The following INPP5A variants were observed in gnomAD, a reference collection of about 807,000 sequenced individuals.
The protein encoded by INPP5A is 43 kDa inositol polyphosphate 5-phophatase.
Under a neutral mutation model 65.2 loss-of-function variants are expected in INPP5A, and 14 were observed. That is an observed-to-expected ratio of 0.21 (90% CI 0.14 to 0.34). INPP5A has a LOEUF of 0.34. INPP5A is among the 10% of genes least tolerant of loss of function. The pLI is 1.00. For missense variants in INPP5A, 431 were observed against 545.6 expected, an observed-to-expected ratio of 0.79 and a Z score of 2.09; for synonymous variants, 207 against 208.3, an observed-to-expected ratio of 0.99 and a Z score of 0.05.
chr10:132,758,296 C>T (rs1380541604), intron 11 of INPP5A, among the ~76,000 whole-genome samples: 2 of 116,246 alleles, frequency 1.7e-5, no homozygotes, highest in South Asian at 3.1e-4. Flanking sequence ...CAGGCCAGTG[C>T]GATGTTGTGG....
At position 132,651,965 on chromosome 10, in the gene INPP5A, C is replaced by T. The variant is rs1474666190; in HGVS notation, c.306+1460C>T. ...GGGACCACGGGGCCCCCACTCACAC[C>T]AGAGCCAAGGCCCTCACCCCTGTGC... On this transcript the variant is annotated intron_variant, in intron 4 of 15. Coordinates refer to ENST00000368594, the MANE Select transcript of INPP5A (RefSeq NM_005539.5). The surrounding 1 kb of genome is among the most constrained non-coding windows in gnomAD (Gnocchi z 5.0). Among the ~76,000 whole-genome samples the T allele has an allele frequency of 6.6e-6, 1 of 152,158 alleles. No individual in the cohort carries two copies. The highest frequency in any genetic ancestry group is 1.5e-5 in the Non-Finnish European group (1 of 68,022).
At chr10:132,614,080 C>T (rs945034913) in intron 2 of INPP5A, among the ~76,000 whole-genome samples, 3 of 152,212 alleles carry the variant, frequency 2.0e-5, no homozygotes, top group Admixed American at 1.3e-4. Flanking sequence ...TGAGCACCCT[C>T]GACGCCTTTG....
Position 132,704,332 on chromosome 10 carries a change from C to G in INPP5A, c.475-3981C>G, listed in dbSNP as rs1441895030. Among the ~76,000 whole-genome samples, 2 of 152,230 alleles carry G rather than the reference C, an allele frequency of 1.3e-5. No individual in the cohort carries two copies. Among genetic ancestry groups the G allele is most frequent in the Admixed American group, 6.5e-5 (1 of 15,286 alleles). On this transcript the variant is annotated intron_variant, in intron 6 of 15. Transcript: ENST00000368594. This position sits in a 1 kb window ranked among gnomAD's most constrained non-coding sequence, Gnocchi z 4.5. ...CACGTCCAGCCTTCTCCCATGACAGCCCCCATGGGTGAGAACCCAGCCTTG... is the reference window on the plus strand; with the variant it reads ...CACGTCCAGCCTTCTCCCATGACAGGCCCCATGGGTGAGAACCCAGCCTTG...
chr10:132,692,581 G>T (rs1177731848), intron 5 of INPP5A, among the ~76,000 whole-genome samples: 1 of 152,226 alleles, frequency 6.6e-6, no homozygotes, highest in East Asian at 1.9e-4. Context: ...TTCCTTATCT[G>T]TAAAGGAACA....
At chr10:132,569,702 C>T (rs2071315194) in intron 1 of INPP5A, among the ~76,000 whole-genome samples, 1 of 150,302 alleles carries the variant, frequency 6.7e-6, no homozygotes. Flanking sequence ...TGGGGTTTCG[C>T]CATATTGGCC....
At chr10:132,671,263 G>C (rs2072886295) in intron 4 of INPP5A, among the ~76,000 whole-genome samples, 1 of 152,090 alleles carries the variant, frequency 6.6e-6, no homozygotes, top group Non-Finnish European at 1.5e-5. Context: ...CTGGGCCCAA[G>C]GGAGGCACAG....
At chr10:132,679,448 G>T (rs763950991) in intron 4 of INPP5A, among the ~76,000 whole-genome samples, 1 of 152,110 alleles carries the variant, frequency 6.6e-6, no homozygotes, top group Non-Finnish European at 1.5e-5. Flanking sequence ...AGAGCTGCCC[G>T]CTGGAAGATG....
rs1209433326 is a variant in INPP5A at position 132,546,751 on chromosome 10, G to GGCCT, written c.75+8582_75+8585dup. 6.6e-6 allele frequency among the ~76,000 whole-genome samples: 1 copy of GGCCT among 152,152 alleles called. No homozygotes were observed. The highest frequency in any genetic ancestry group is 2.4e-5 in the African/African-American group (1 of 41,422). On this transcript the variant is annotated intron_variant, in intron 1 of 15. Transcript: ENST00000368594. The surrounding 1 kb of genome is among the most constrained non-coding windows in gnomAD (Gnocchi z 5.7). ...GCATACCCCGGGCCCCCTGGGCTCTGGCCTGTCCCCTTGTCCCCACCTGAC... is the reference window on the plus strand; with the variant it reads ...GCATACCCCGGGCCCCCTGGGCTCTGGCCTGCCTGTCCCCTTGTCCCCACCTGAC...
chr10:132,544,207 CT>C (rs993681977), intron 1 of INPP5A, among the ~76,000 whole-genome samples: 2 of 152,270 alleles, frequency 1.3e-5, no homozygotes, highest in Admixed American at 1.3e-4. Flanking sequence ...TGGGTGCCCA[CT>C]CCCAGCGAGA....
chr10:132,629,473 G>A (rs138748805), intron 2 of INPP5A, among the ~76,000 whole-genome samples: 183 of 152,368 alleles, frequency 1.2e-3, no homozygotes, highest in African/African-American at 4.1e-3. Flanking sequence ...AGGGAGTTGT[G>A]TTACATTTGC....
At chr10:132,625,624 C>T (rs1186674408) in intron 2 of INPP5A, among the ~76,000 whole-genome samples, 1 of 152,194 alleles carries the variant, frequency 6.6e-6, no homozygotes, top group African/African-American at 2.4e-5. Flanking sequence ...GGAGCCTCTG[C>T]TGCAGGGGCA....
chr10:132,713,615 G>A (rs1476009925), intron 8 of INPP5A, among the ~76,000 whole-genome samples: 1 of 152,168 alleles, frequency 6.6e-6, no homozygotes, highest in African/African-American at 2.4e-5. Flanking sequence ...TCTCCAGAGT[G>A]ATGGAGCCCT....
chr10:132,777,819 A>T (rs1333937654), intron 13 of INPP5A, 37 bp downstream of exon 13: 1 of 1,603,488 alleles, frequency 6.2e-7, no homozygotes, highest in African/African-American at 1.3e-5. Flanking sequence ...GCACAGAGGG[A>T]TGTGGAGCGC....
At position 132,547,611 on chromosome 10, in the gene INPP5A, C is replaced by T. The variant is rs2133248880; in HGVS notation, c.75+9440C>T. On this transcript the variant is annotated intron_variant, in intron 1 of 15. Coordinates refer to ENST00000368594, the MANE Select transcript of INPP5A (RefSeq NM_005539.5). The surrounding 1 kb of genome is among the most constrained non-coding windows in gnomAD (Gnocchi z 5.5). ...GGCTGACCTCCCATCTCCTCCTTCTCTACCCAAGCGCCCGTGGCCTGAACA... is the reference window on the plus strand; with the variant it reads ...GGCTGACCTCCCATCTCCTCCTTCTTTACCCAAGCGCCCGTGGCCTGAACA... Among the ~76,000 whole-genome samples, 1 of 152,318 alleles carries T rather than the reference C, an allele frequency of 6.6e-6. No individual in the cohort carries two copies. The highest frequency in any genetic ancestry group is 2.1e-4 in the South Asian group (1 of 4,826).
intron 2 of INPP5A, among the ~76,000 whole-genome samples, chr10:132,626,858 C>T (rs1215458947): frequency 6.6e-6 from 1 of 152,178 alleles, no homozygotes. Context: ...CCACTGCCCT[C>T]GAAGGGTCGT....
In INPP5A at chr10:132,741,993, T is replaced by C. The variant is rs1846281439; in HGVS notation, c.733-7524T>C. ...GAGCAAAGGCCAGGTCAGAGCTGTG[T>C]GGGACAGGAGGTGTCCTCACGAGTC... On this transcript the variant is annotated intron_variant, in intron 9 of 15. Coordinates refer to ENST00000368594, the MANE Select transcript of INPP5A (RefSeq NM_005539.5). This position sits in a 1 kb window ranked among gnomAD's most constrained non-coding sequence, Gnocchi z 4.4. Among the ~76,000 whole-genome samples, 1 of 152,164 alleles carries C rather than the reference T, an allele frequency of 6.6e-6. No individual in the cohort carries two copies. Among genetic ancestry groups the C allele is most frequent in the Non-Finnish European group, 1.5e-5 (1 of 68,014 alleles).
In INPP5A at chr10:132,597,713, G is replaced by A. The variant is rs187348473; in HGVS notation, c.76-10202G>A. Among the ~76,000 whole-genome samples, 8 of 152,160 alleles carry A rather than the reference G, an allele frequency of 5.3e-5. No individual in the cohort carries two copies. The East Asian group carries it at 9.7e-4, about 18-fold the overall frequency. On this transcript the variant is annotated intron_variant, in intron 1 of 15. Coordinates refer to ENST00000368594, the MANE Select transcript of INPP5A (RefSeq NM_005539.5). ...AGTGTGTGCTGCAGCGCTGTGCTAC[G>A]TGTAGTGACCCTGGGCCTGTGGTGC...
At chr10:132,719,582 G>A in intron 8 of INPP5A, among the ~76,000 whole-genome samples, 1 of 137,026 alleles carries the variant, frequency 7.3e-6, no homozygotes, top group South Asian at 2.3e-4. Context: ...CGGCTGTCTT[G>A]CGGGTTCTGT....
chr10:132,717,908 G>T (rs1229377976), intron 8 of INPP5A, among the ~76,000 whole-genome samples: 3 of 141,094 alleles, frequency 2.1e-5, no homozygotes, highest in Non-Finnish European at 4.5e-5. Flanking sequence ...GGGTTCTGTG[G>T]TACCTGGGTT....
Sources: gnomAD v4.1 joint callset for allele counts (sites outside exome capture counted in the v4.1 genomes callset) on GRCh38, gnomAD v4.1.1 for gene constraint, Gnocchi (gnomAD v3.1) non-coding constraint, MANE v1.5 for transcripts, NCBI Gene and HGNC (gene_info 2026-07-23, HGNC 2026-07-21) for gene names.